Variants in EPM2A observed in about 807,000 individuals in gnomAD.
The protein encoded by EPM2A is EPM2A glucan phosphatase, laforin, also known as laforin.
EPM2A carries 21 observed loss-of-function variants against 26.5 expected under a neutral mutation model. That is an observed-to-expected ratio of 0.79 (90% confidence interval 0.56 to 1.14). The LOEUF is 1.14. Among genes scored for constraint, EPM2A ranks in the 50% most tolerant of loss-of-function variants. The pLI is 0.00. For synonymous variants in EPM2A, 217 were observed against 177.6 expected (o/e 1.22, Z -1.76); for missense variants, 458 against 440.8 (o/e 1.04, Z -0.35).
At chr6:145,479,913 C>T (rs1355316009) in intron 4 of EPM2A, among the ~76,000 whole-genome samples, 1 of 152,066 alleles carries the variant, frequency 6.6e-6, no homozygotes, top group Non-Finnish European at 1.5e-5. Context: ...TCCTTGCCAA[C>T]ACTTTTTATT....
chr6:145,631,873 A>T (rs9403736), intron 3 of EPM2A: 13,077 of 58,120 alleles, frequency 0.23, 1,129 homozygotes, highest in African/African-American at 0.48. Context: ...TCTCTCTCTC[A>T]CACACACACA....
chr6:145,443,733 A>G (rs1287109996), intron 4 of EPM2A, among the ~76,000 whole-genome samples: 1 of 152,274 alleles, frequency 6.6e-6, no homozygotes, highest in South Asian at 2.1e-4. Flanking sequence ...TGTAGCTCCC[A>G]TAACTCCCAT....
At chr6:145,662,580 A>G (rs1582995294) in intron 2 of EPM2A, among the ~76,000 whole-genome samples, 1 of 152,192 alleles carries the variant, frequency 6.6e-6, no homozygotes, top group African/African-American at 2.4e-5. Flanking sequence ...TCACCTCCGA[A>G]TACAGCATGA....
chr6:145,568,479 C>T (rs1257555280), intron 2 of EPM2A, among the ~76,000 whole-genome samples: 3 of 152,064 alleles, frequency 2.0e-5, no homozygotes, highest in Admixed American at 1.3e-4. Flanking sequence ...GCCACCACCA[C>T]GCCCAGCTAA....
chr6:145,663,464 G>C (rs900270642), intron 2 of EPM2A, among the ~76,000 whole-genome samples: 3 of 152,220 alleles, frequency 2.0e-5, no homozygotes, highest in African/African-American at 7.2e-5. Flanking sequence ...AAGGGGTCAG[G>C]GAGTTCCCTT....
intron 2 of EPM2A, among the ~76,000 whole-genome samples, chr6:145,668,057 T>A (rs1323091562): frequency 1.4e-5 from 2 of 147,980 alleles, no homozygotes; most frequent in Non-Finnish European, 3.0e-5. Flanking sequence ...GAGATATACC[T>A]AAGGCTAGAT....
At chr6:145,383,916 G>A (rs1208338640) in exon 5 of EPM2A, 1 of 152,088 alleles carries the variant, frequency 6.6e-6, no homozygotes, top group East Asian at 1.9e-4. Flanking sequence ...ATATAGATCT[G>A]TTAAATCATG....
chr6:145,416,372 T>C (rs139726768), intron 4 of EPM2A, among the ~76,000 whole-genome samples: 1 of 152,262 alleles, frequency 6.6e-6, no homozygotes, highest in East Asian at 1.9e-4. Context: ...TTCTCAATGC[T>C]TTTCTTATGA....
chr6:145,665,818 G>A (rs1583004566), intron 2 of EPM2A, among the ~76,000 whole-genome samples: 1 of 136,046 alleles, frequency 7.4e-6, no homozygotes, highest in East Asian at 2.6e-4. Flanking sequence ...TATCCACCAT[G>A]ATCAAGTGGG....
At chr6:145,708,052 T>C (rs565581819) in intron 1 of EPM2A, among the ~76,000 whole-genome samples, 80 of 152,326 alleles carry the variant, frequency 5.3e-4, no homozygotes, top group African/African-American at 1.9e-3. Flanking sequence ...TAAAGGTCAC[T>C]CTTGCTATGC....
chr6:145,489,575 C>T (rs1360817062), intron 4 of EPM2A: 23 of 866,812 alleles, frequency 2.7e-5, no homozygotes, highest in Non-Finnish European at 3.9e-5. Context: ...TCATACTGCC[C>T]ATAATCCGTT....
At chr6:145,449,258 G>C (rs1582764114) in intron 4 of EPM2A, among the ~76,000 whole-genome samples, 1 of 152,234 alleles carries the variant, frequency 6.6e-6, no homozygotes. Context: ...AGGTGGTGAA[G>C]GTATTTCAGG....
intron 2 of EPM2A, among the ~76,000 whole-genome samples, chr6:145,643,102 C>A (rs1377761988): frequency 6.6e-6 from 1 of 152,106 alleles, no homozygotes; most frequent in Non-Finnish European, 1.5e-5. Flanking sequence ...TGTACTTTAG[C>A]AGTAGAACCA....
intron 2 of EPM2A, among the ~76,000 whole-genome samples, chr6:145,553,609 C>T (rs940286813): frequency 1.3e-5 from 2 of 151,946 alleles, no homozygotes; most frequent in African/African-American, 4.8e-5. Flanking sequence ...AGCCACTGCT[C>T]ATCAATCAGA....
intron 2 of EPM2A, among the ~76,000 whole-genome samples, chr6:145,607,953 G>A (rs1294751329): frequency 6.6e-6 from 1 of 152,164 alleles, no homozygotes; most frequent in Non-Finnish European, 1.5e-5. Context: ...TTACTGCCTT[G>A]CTGTTTCTCT....
chr6:145,679,582 C>T (rs374091717), intron 2 of EPM2A, among the ~76,000 whole-genome samples: 4 of 151,956 alleles, frequency 2.6e-5, no homozygotes, highest in South Asian at 4.2e-4. Context: ...AAATTTACTT[C>T]CAAAGAAGTA....
intron 4 of EPM2A, among the ~76,000 whole-genome samples, chr6:145,413,588 G>A (rs1037454731): frequency 2.0e-5 from 3 of 151,894 alleles, no homozygotes; most frequent in Non-Finnish European, 2.9e-5. Flanking sequence ...CAGGGTGACC[G>A]TGCAATCATT....
At chr6:145,598,721 A>G (rs1243635058) in intron 2 of EPM2A, among the ~76,000 whole-genome samples, 1 of 152,112 alleles carries the variant, frequency 6.6e-6, no homozygotes, top group Non-Finnish European at 1.5e-5. Flanking sequence ...GTTGTTGTAC[A>G]GGATTTTATA....
chr6:145,720,060 G>T (rs994032238), intron 1 of EPM2A, among the ~76,000 whole-genome samples: 14 of 152,014 alleles, frequency 9.2e-5, no homozygotes, highest in African/African-American at 3.4e-4. Context: ...TCTCTAGTTA[G>T]ATTGATTCAC....
Sources: allele counts gnomAD v4.1 joint callset (sites outside exome capture counted in the v4.1 genomes callset), GRCh38; gene constraint gnomAD v4.1.1; transcripts MANE v1.5; gene names NCBI Gene and HGNC (gene_info 2026-07-23, HGNC 2026-07-21).